Variants in CDH2 observed in about 807,000 individuals in gnomAD.
The protein encoded by CDH2 is cadherin 2.
In CDH2, 17 loss-of-function variants were observed where a neutral mutation model predicts 92.0. The observed-to-expected ratio is 0.18, with a 90% CI of 0.13 to 0.28. The LOEUF is 0.28. CDH2 is among the 10% of genes least tolerant of loss of function. The probability of loss-of-function intolerance (pLI) is 1.00; values close to 1 mark genes in which losing one functional copy is unlikely to be tolerated. For missense variants in CDH2, 862 were observed against 1,133.1 expected (o/e 0.76, Z 3.44); for synonymous variants, 419 against 415.9 (o/e 1.01, Z -0.09).
intron 1 of CDH2, among the ~76,000 whole-genome samples, chr18:28,173,329 A>T (rs1043665851): frequency 9.2e-5 from 14 of 152,170 alleles, no homozygotes; most frequent in Non-Finnish European, 1.9e-4. Context: ...TCAAGTTAAG[A>T]AAAGCAAAGA....
chr18:27,996,261 C>A (rs565212651), intron 7 of CDH2, among the ~76,000 whole-genome samples: 14 of 152,238 alleles, frequency 9.2e-5, no homozygotes, highest in Non-Finnish European at 1.6e-4. Context: ...TCTGCCTAGA[C>A]AAGTGGATGT....
At chr18:28,174,777 G>C in intron 1 of CDH2, among the ~76,000 whole-genome samples, 1 of 152,048 alleles carries the variant, frequency 6.6e-6, no homozygotes, top group East Asian at 1.9e-4. Flanking sequence ...ATGTCTCTTC[G>C]TGTCCTAACT....
chr18:28,143,083 A>C (rs946922511), intron 2 of CDH2, among the ~76,000 whole-genome samples: 2 of 152,086 alleles, frequency 1.3e-5, no homozygotes, highest in Non-Finnish European at 2.9e-5. Flanking sequence ...CTAGTTGAAA[A>C]TAATCATCAT....
chr18:28,099,826 C>T (rs552611605), intron 2 of CDH2, among the ~76,000 whole-genome samples: 1 of 152,208 alleles, frequency 6.6e-6, no homozygotes, highest in South Asian at 2.1e-4. Context: ...TTTTGAAAAT[C>T]TTACTTTCAA....
chr18:28,113,664 C>T (rs2015449271), intron 2 of CDH2, among the ~76,000 whole-genome samples: 1 of 151,874 alleles, frequency 6.6e-6, no homozygotes, highest in Admixed American at 6.6e-5. Flanking sequence ...GGCATTTTTA[C>T]AGAATCCTCT....
intron 2 of CDH2, among the ~76,000 whole-genome samples, chr18:28,029,388 T>C (rs2013636706): frequency 6.6e-6 from 1 of 152,140 alleles, no homozygotes; most frequent in Non-Finnish European, 1.5e-5. Context: ...AGAAATTACA[T>C]TTTATGCTTA....
chr18:27,999,777 G>A (rs2012707465), intron 7 of CDH2, among the ~76,000 whole-genome samples: 1 of 151,604 alleles, frequency 6.6e-6, no homozygotes, highest in East Asian at 1.9e-4. Flanking sequence ...GTTTGGCTCT[G>A]TGTCCCCACC....
rs185530630 is a variant in CDH2 at position 27,995,139 on chromosome 18, C to T, written c.1021-1502G>A. On this transcript the variant is annotated intron_variant, in intron 7 of 15. Transcript: ENST00000269141. ...TAGTCTGGCCAACATAGTGAAACCC[C>T]GTCTCTATTAAAAATACACAAAAAA... 9.1e-4 allele frequency among the ~76,000 whole-genome samples: 138 copies of T among 151,730 alleles called. 6 individuals are homozygous for T. The highest frequency in any genetic ancestry group is 7.7e-4 in the Non-Finnish European group (52 of 67,920).
chr18:28,157,732 T>C (rs1034280703), intron 1 of CDH2, among the ~76,000 whole-genome samples: 5 of 151,728 alleles, frequency 3.3e-5, no homozygotes, highest in Non-Finnish European at 4.4e-5. Context: ...TCGCATACGA[T>C]ATGTGATATA....
intron 2 of CDH2, among the ~76,000 whole-genome samples, chr18:28,090,173 C>T (rs1013141052): frequency 6.6e-6 from 1 of 152,140 alleles, no homozygotes; most frequent in Non-Finnish European, 1.5e-5. Context: ...TATGTGGACC[C>T]CACATATTAG....
intron 2 of CDH2, among the ~76,000 whole-genome samples, chr18:28,141,052 T>C (rs988496248): frequency 3.3e-5 from 5 of 151,632 alleles, no homozygotes; most frequent in Non-Finnish European, 5.9e-5. Flanking sequence ...TGTGGAGAAA[T>C]TGGAATCCTT....
At chr18:28,007,165 A>AAAAAAAATATATATATAT (rs1172779200) in intron 5 of CDH2, among the ~76,000 whole-genome samples, 2 of 110,464 alleles carry the variant, frequency 1.8e-5, no homozygotes, top group African/African-American at 8.9e-5. Flanking sequence ...ATAAAAAAAA[A>AAAAAAAATATATATATAT]ATATATATAT....
At chr18:28,127,173 T>C (rs1205310519) in intron 2 of CDH2, among the ~76,000 whole-genome samples, 4 of 152,216 alleles carry the variant, frequency 2.6e-5, no homozygotes, top group East Asian at 1.9e-4. Context: ...ATGAGTATTG[T>C]GTTATTTATG....
chr18:28,041,923 A>G (rs1056248400), intron 2 of CDH2, among the ~76,000 whole-genome samples: 3 of 152,186 alleles, frequency 2.0e-5, no homozygotes, highest in Non-Finnish European at 4.4e-5. Context: ...TTATTTATTA[A>G]AGAAACAAAT....
chr18:28,038,477 G>A (rs1320775705), intron 2 of CDH2, among the ~76,000 whole-genome samples: 1 of 150,984 alleles, frequency 6.6e-6, no homozygotes, highest in East Asian at 2.0e-4. Context: ...GTGTGTGTAT[G>A]AAATGTGCCT....
rs143857478 is a variant in CDH2, at chr18:28,013,073, C to T, written c.399+610G>A. 2.0e-3 allele frequency among the ~76,000 whole-genome samples: 308 copies of T among 152,134 alleles called. 5 individuals are homozygous for T. The highest frequency in any genetic ancestry group is 7.0e-3 in the African/African-American group (291 of 41,490). On this transcript the variant is annotated intron_variant, in intron 3 of 15. Coordinates refer to ENST00000269141, the MANE Select transcript of CDH2 (RefSeq NM_001792.5). Reference sequence around the variant, plus strand: ...AGTTACTGTATTTTATTTAAAATTCCGAACAATGACTTATACAAATTAAGT... The same window carrying T: ...AGTTACTGTATTTTATTTAAAATTCTGAACAATGACTTATACAAATTAAGT...
chr18:28,029,495 T>C (rs1195747090), intron 2 of CDH2, among the ~76,000 whole-genome samples: 1 of 152,126 alleles, frequency 6.6e-6, no homozygotes, highest in Non-Finnish European at 1.5e-5. Flanking sequence ...CTCTTTGTTA[T>C]ACCCTGAAAT....
chr18:28,134,943 T>A (rs1037734239), intron 2 of CDH2, among the ~76,000 whole-genome samples: 2 of 152,070 alleles, frequency 1.3e-5, no homozygotes, highest in African/African-American at 4.8e-5. Flanking sequence ...AAAGGCTCGA[T>A]CAGAAGCAGC....
chr18:28,086,788 G>C (rs1224140035), intron 2 of CDH2, among the ~76,000 whole-genome samples: 1 of 151,914 alleles, frequency 6.6e-6, no homozygotes, highest in Non-Finnish European at 1.5e-5. Context: ...ACCTTCTTTT[G>C]TATCAGACAA....
Sources: allele counts gnomAD v4.1 joint callset (sites outside exome capture counted in the v4.1 genomes callset), GRCh38; gene constraint gnomAD v4.1.1; transcripts MANE v1.5; gene names NCBI Gene and HGNC (gene_info 2026-07-23, HGNC 2026-07-21).